Variants in TNFSF15 observed in about 807,000 individuals in gnomAD.
The protein encoded by TNFSF15 is TNF superfamily member 15.
TNFSF15 carries 15 observed loss-of-function variants against 26.4 expected under a neutral mutation model. That is an observed-to-expected ratio of 0.57 (90% CI 0.38 to 0.87). TNFSF15 has a LOEUF of 0.87. TNFSF15 is among the 40% of genes least tolerant of loss of function. The probability of loss-of-function intolerance (pLI) is 0.00; values close to 1 mark genes in which losing one functional copy is unlikely to be tolerated. For missense variants in TNFSF15, 290 were observed against 306.1 expected, an observed-to-expected ratio of 0.95 and a Z score of 0.39; for synonymous variants, 116 against 115.0, an observed-to-expected ratio of 1.01 and a Z score of -0.06.
chr9:114,805,544 A>G (rs1296744277), intron 1 of TNFSF15, among the ~76,000 whole-genome samples: 1 of 152,178 alleles, frequency 6.6e-6, no homozygotes. Context: ...CCAGTATACT[A>G]TGATTATAAT....
At chr9:114,793,095 G>A (rs974820453) in intron 2 of TNFSF15, among the ~76,000 whole-genome samples, 6 of 152,166 alleles carry the variant, frequency 3.9e-5, no homozygotes, top group African/African-American at 1.4e-4. Context: ...AAATATGGTG[G>A]TGTTGATGAT....
rs1829494154 is a variant in TNFSF15, at chr9:114,785,971, G to C, written c.*4481C>G. ...TGTGGTATTTTCATCTTAAAATGGG[G>C]TGATGGAAGGGGTGGAGGCAAGTGT... On this transcript the variant is annotated 3_prime_UTR_variant, in exon 4 of 4. Coordinates refer to ENST00000374045, the MANE Select transcript of TNFSF15 (RefSeq NM_005118.4). 1 of 152,480 alleles carries C rather than the reference G, an allele frequency of 6.6e-6. No homozygotes were observed. Among genetic ancestry groups the C allele is most frequent in the South Asian group, 2.1e-4 (1 of 4,832 alleles). The allele number at this position is 152,480 out of a possible 1,614,324, so 9.4% of individuals were successfully genotyped here. A position where few individuals can be genotyped will look rare whatever the true frequency, so the allele number is the denominator to read the frequency against.
At chr9:114,796,653 C>T (rs1334042058) in intron 1 of TNFSF15, among the ~76,000 whole-genome samples, 1 of 152,170 alleles carries the variant, frequency 6.6e-6, no homozygotes, top group Non-Finnish European at 1.5e-5. Context: ...GAGGTAATGA[C>T]TATTCCAGAC....
rs1213232838 is a variant in TNFSF15 at position 114,792,543 on chromosome 9, A to G, written c.254-89T>C. Reference sequence around the variant, plus strand: ...TTGTGAGTTGCATGGCGCCTATGATAGGAGAGAAACCTTGATCTCCTCCAG... The same window carrying G: ...TTGTGAGTTGCATGGCGCCTATGATGGGAGAGAAACCTTGATCTCCTCCAG... On this transcript the variant is annotated intron_variant, in intron 2 of 3. Coordinates refer to ENST00000374045, the MANE Select transcript of TNFSF15 (RefSeq NM_005118.4). 3.1e-6 allele frequency: 5 copies of G among 1,596,472 alleles called. No individual in the cohort carries two copies. The Admixed American group carries it at 5.2e-5, about 17-fold the overall frequency.
rs777991000 is a variant in TNFSF15 at position 114,805,825 on chromosome 9, C to T, written c.188G>A (p.Gly63Glu). 6.2e-7 allele frequency: 1 copy of T among 1,613,516 alleles called. No individual in the cohort carries two copies. The highest frequency in any genetic ancestry group is 8.5e-7 in the Non-Finnish European group (1 of 1,180,030). ...TACCTGGAACTGCACACAGGCCTCT[C>T]CCTGGGCCCGGAGCTGGCTGACAAG... ...YLLVSQLRAQ[G>E]EACVQFQALK... Residue 63 changes from glycine to glutamate, a missense_variant, in exon 1 of 4, where the codon GGA (glycine) becomes GAA (glutamate). By Grantham distance (98) the Gly-to-Glu change is moderately conservative. Transcript: ENST00000374045.
intron 1 of TNFSF15, among the ~76,000 whole-genome samples, chr9:114,802,960 C>T (rs185621228): frequency 5.8e-4 from 89 of 152,214 alleles, no homozygotes; most frequent in Admixed American, 5.2e-3. Context: ...CTCAGTGTCC[C>T]TATGTGCAAA....
intron 1 of TNFSF15, among the ~76,000 whole-genome samples, chr9:114,799,702 A>G (rs1180388216): frequency 5.3e-5 from 8 of 152,182 alleles, no homozygotes; most frequent in Admixed American, 2.0e-4. Flanking sequence ...TGTATGCTCC[A>G]TTGGGTGCGG....
rs1340885858 is a variant in TNFSF15, at chr9:114,789,460, A to T, written c.*992T>A. The T allele has an allele frequency of 6.6e-6, 1 of 152,226 alleles. No individual in the cohort carries two copies. Among genetic ancestry groups the T allele is most frequent in the Non-Finnish European group, 1.5e-5 (1 of 68,104 alleles). The allele number at this position is 152,226 out of a possible 1,614,324, so 9.4% of individuals were successfully genotyped here. On this transcript the variant is annotated 3_prime_UTR_variant, in exon 4 of 4. Coordinates refer to ENST00000374045, the MANE Select transcript of TNFSF15 (RefSeq NM_005118.4). ...CTCCTGAGTAGCCAGGATTACAGCC[A>T]TGCGCTACCACGCCCGGCTAATTTT...
rs1017634805 is a variant in TNFSF15 at position 114,796,663 on chromosome 9, C to G, written c.211-3095G>C. Among the ~76,000 whole-genome samples, 6 of 152,182 alleles carry G rather than the reference C, an allele frequency of 3.9e-5. No homozygotes were observed. The South Asian group carries it at 1.0e-3, about 26-fold the overall frequency. On this transcript the variant is annotated intron_variant, in intron 1 of 3. Transcript: ENST00000374045. ...TAAAAGAGGTAATGACTATTCCAGA[C>G]AAGGCCAACAGCTTGCACAACAGCA...
At chr9:114,805,023 A>T (rs1488899525) in intron 1 of TNFSF15, among the ~76,000 whole-genome samples, 1 of 152,200 alleles carries the variant, frequency 6.6e-6, no homozygotes, top group Non-Finnish European at 1.5e-5. Flanking sequence ...TGTTGTTCCC[A>T]GCCAAGAATT....
Position 114,798,176 on chromosome 9 carries a change from G to T in TNFSF15, c.211-4608C>A, listed in dbSNP as rs552016975. Among the ~76,000 whole-genome samples, 5 of 152,324 alleles carry T rather than the reference G, an allele frequency of 3.3e-5. No individual in the cohort carries two copies. In the East Asian group the frequency reaches 7.7e-4, roughly 24 times the overall value. ...AGCTGTGGCTCTAGAAAGATTTGTT[G>T]TAAGTGGCAAGGCTTAGCCAGGAGC... On this transcript the variant is annotated intron_variant, in intron 1 of 3. Transcript: ENST00000374045.
In TNFSF15 at chr9:114,790,791, C is replaced by T; in HGVS notation, c.417G>A (p.Leu139=). ...KNRMNYTNKF[L]LIPESGDYFI... ...AGTAGTCTCCCGACTCTGGGATCAG[C>T]AGGAATTTGTTGGTATAGTTCATTC... Residue 139 remains leucine, a synonymous_variant, in exon 4 of 4, where the codon CTG becomes CTA. Transcript: ENST00000374045. 1.9e-6 allele frequency: 3 copies of T among 1,614,022 alleles called. No individual in the cohort carries two copies. Among genetic ancestry groups the T allele is most frequent in the Non-Finnish European group, 2.5e-6 (3 of 1,180,010 alleles).
At chr9:114,801,620 A>G (rs1371932565) in intron 1 of TNFSF15, among the ~76,000 whole-genome samples, 1 of 152,204 alleles carries the variant, frequency 6.6e-6, no homozygotes, top group Non-Finnish European at 1.5e-5. Flanking sequence ...AGACACTTCA[A>G]ATACTTTATT....
chr9:114,792,322 A>G, intron 3 of TNFSF15, 85 bp downstream of exon 3: 1 of 1,518,940 alleles, frequency 6.6e-7, no homozygotes, highest in Non-Finnish European at 8.9e-7. Flanking sequence ...ATTTTAAGCC[A>G]CTAGAATGAA....
intron 1 of TNFSF15, among the ~76,000 whole-genome samples, chr9:114,803,357 G>A (rs1289338808): frequency 6.6e-6 from 1 of 152,112 alleles, no homozygotes; most frequent in Non-Finnish European, 1.5e-5. Flanking sequence ...TGCTGTCAGA[G>A]TATTGATATT....
Position 114,803,925 on chromosome 9 carries a change from G to A in TNFSF15, c.210+1878C>T, listed in dbSNP as rs942534125. ...CAGCCCTTTCAGTTCCCTTCAATCC[G>A]TCTGCATCTCAGCAAAGAGGCCCTT... On this transcript the variant is annotated intron_variant, in intron 1 of 3. Coordinates refer to ENST00000374045, the MANE Select transcript of TNFSF15 (RefSeq NM_005118.4). 6.6e-5 allele frequency among the ~76,000 whole-genome samples: 10 copies of A among 152,226 alleles called. No individual in the cohort carries two copies. The East Asian group carries it at 7.7e-4, about 12-fold the overall frequency.
rs1440425853 is a variant in TNFSF15 at position 114,787,819 on chromosome 9, A to T, written c.*2633T>A. 2.6e-5 allele frequency: 4 copies of T among 153,788 alleles called. No individual in the cohort carries two copies. The highest frequency in any genetic ancestry group is 6.5e-5 in the Admixed American group (1 of 15,288). The allele number at this position is 153,788 out of a possible 1,614,324, so 9.5% of individuals were successfully genotyped here. ...GCAGTAAAAACTTGAGCTATGATAC[A>T]TTCTTTAAAAAACAAGCTTATGACA... is the stretch of plus-strand genomic sequence containing the variant. On this transcript the variant is annotated 3_prime_UTR_variant, in exon 4 of 4. Transcript: ENST00000374045.
At chr9:114,802,302 G>A (rs1012775073) in intron 1 of TNFSF15, among the ~76,000 whole-genome samples, 17 of 152,134 alleles carry the variant, frequency 1.1e-4, no homozygotes, top group Admixed American at 2.0e-4. Flanking sequence ...ACCCAGGCTG[G>A]AGTGAGCTGG....
At chr9:114,792,374 T>C in intron 3 of TNFSF15, 33 bp downstream of exon 3, 2 of 1,605,700 alleles carry the variant, frequency 1.2e-6, no homozygotes, top group South Asian at 1.1e-5. Flanking sequence ...TTCTGGCCCA[T>C]GGTCTCCCGT....
Sources: allele counts gnomAD v4.1 joint callset (sites outside exome capture counted in the v4.1 genomes callset), GRCh38; gene constraint gnomAD v4.1.1; transcripts MANE v1.5; gene names NCBI Gene and HGNC (gene_info 2026-07-23, HGNC 2026-07-21).